Variants in KRT8 observed in about 807,000 individuals in gnomAD.
KRT8 encodes keratin, type II cytoskeletal 8.
KRT8 carries 24 observed loss-of-function variants against 43.0 expected under a neutral mutation model. The ratio of observed to expected loss-of-function variants is 0.56; its 90% CI spans 0.40 to 0.78. The LOEUF (loss-of-function observed/expected upper bound fraction) is 0.78. KRT8 is among the 30% of genes least tolerant of loss of function. KRT8 has a pLI of 0.00. For synonymous variants in KRT8, 214 were observed against 261.2 expected (o/e 0.82, Z 1.74); for missense variants, 492 against 638.4 (o/e 0.77, Z 2.47).
intron 1 of KRT8, among the ~76,000 whole-genome samples, chr12:52,902,737 C>T (rs989589504): frequency 4.6e-5 from 7 of 151,592 alleles, no homozygotes; most frequent in South Asian, 2.1e-4. Context: ...AGAGGCCGGG[C>T]GTGGAGGCTC....
upstream of KRT8, among the ~76,000 whole-genome samples, chr12:52,911,755 G>A (rs565768586): frequency 2.2e-4 from 33 of 152,194 alleles, no homozygotes; most frequent in South Asian, 5.2e-3. Context: ...GGTATGGGCC[G>A]GGCGTGGTGG....
chr12:52,916,465 A>G (rs936089908), intron 2 of KRT8, among the ~76,000 whole-genome samples: 2 of 152,180 alleles, frequency 1.3e-5, no homozygotes, highest in Admixed American at 6.5e-5. Context: ...TGTTCCATGC[A>G]CTTGCCATGA....
chr12:52,899,811 G>T (rs1429853530), exon 5 of KRT8: 1 of 1,612,000 alleles, frequency 6.2e-7, no homozygotes, highest in Admixed American at 1.7e-5. Flanking sequence ...CCTGGAGCCG[G>T]CTGATGTTCC....
intron 2 of KRT8, among the ~76,000 whole-genome samples, chr12:52,944,183 A>C (rs912224631): frequency 6.6e-6 from 1 of 152,182 alleles, no homozygotes; most frequent in African/African-American, 2.4e-5. Flanking sequence ...TTCTCATTCT[A>C]CAGCTGAGGA....
chr12:52,949,346 T>G, intron 2 of KRT8: 1 of 1,594,916 alleles, frequency 6.3e-7, no homozygotes, highest in Non-Finnish European at 8.5e-7. Context: ...AGGGGCGGCA[T>G]GGGGTCCGGG....
At chr12:52,940,394 C>T (rs528513830) in intron 2 of KRT8, among the ~76,000 whole-genome samples, 4 of 143,752 alleles carry the variant, frequency 2.8e-5, no homozygotes, top group African/African-American at 1.0e-4. Context: ...GATCATGCCA[C>T]TGCACTCCAG....
chr12:52,945,701 C>T (rs966411498), intron 2 of KRT8, among the ~76,000 whole-genome samples: 3 of 152,126 alleles, frequency 2.0e-5, no homozygotes, highest in Non-Finnish European at 4.4e-5. Context: ...TTCTGCTGGA[C>T]GCTGGAATGC....
At chr12:52,918,086 G>GAGAAGA (rs1469850504) in intron 2 of KRT8, among the ~76,000 whole-genome samples, 1 of 136,056 alleles carries the variant, frequency 7.3e-6, no homozygotes, top group African/African-American at 2.9e-5. Context: ...GGAGGAGGAG[G>GAGAAGA]AGAAGAAGAA....
At chr12:52,906,803 A>C (rs1448536612), upstream of KRT8, 1 of 455,790 alleles carries the variant, frequency 2.2e-6, no homozygotes, top group East Asian at 7.0e-5. Context: ...GTGACCACCT[A>C]CTGGGAGGAC....
At chr12:52,920,953 G>A (rs976787868) in intron 2 of KRT8, among the ~76,000 whole-genome samples, 2 of 152,190 alleles carry the variant, frequency 1.3e-5, no homozygotes, top group Admixed American at 1.3e-4. Context: ...CTAAAGAAAA[G>A]ACCTGCTACC....
intron 2 of KRT8, among the ~76,000 whole-genome samples, chr12:52,913,476 G>C (rs1367323633): frequency 6.6e-6 from 1 of 152,208 alleles, no homozygotes; most frequent in Non-Finnish European, 1.5e-5. Context: ...ATGATGATAA[G>C]CAGGTGTTTT....
rs779614156 is a variant in KRT8, at chr12:52,897,385, GGCAGC to G, written c.*38_*42del. The stretch of plus-strand genomic sequence containing the variant: ...TAGCGGCCTCCTTCCCAGGCTCTGG[GGCAGC>G]GCAGGAGGGGTAGGCTGGGAGGGGC... On this transcript the variant is annotated 3_prime_UTR_variant, in exon 8 of 8. Transcript: ENST00000692008. The G allele has an allele frequency of 1.2e-5, 18 of 1,545,606 alleles. No individual in the cohort carries two copies. In the African/African-American group the frequency reaches 2.4e-4, roughly 21 times the overall value.
At chr12:52,917,111 C>G (rs544790490) in intron 2 of KRT8, among the ~76,000 whole-genome samples, 3 of 152,148 alleles carry the variant, frequency 2.0e-5, no homozygotes, top group Admixed American at 1.3e-4. Flanking sequence ...AGTCTGCGGC[C>G]GGGCACACTG....
intron 2 of KRT8, among the ~76,000 whole-genome samples, chr12:52,927,291 G>A (rs887704582): frequency 5.3e-5 from 8 of 152,190 alleles, no homozygotes; most frequent in Admixed American, 3.9e-4. Context: ...AAATAGGTGG[G>A]CCCAAGGGAG....
Position 52,897,354 on chromosome 12 carries a change from C to T in KRT8, c.*74G>A, listed in dbSNP as rs747961993. The T allele has an allele frequency of 8.9e-6, 12 of 1,345,234 alleles. No homozygotes were observed. The East Asian group carries it at 2.5e-4, about 28-fold the overall frequency. 83.3% of individuals were successfully genotyped at this position (1,345,234 alleles called of 1,614,324 possible). A position where few individuals can be genotyped will look rare whatever the true frequency, so the allele number is the denominator to read the frequency against. ...GTGGGTCTCCTGTTCCCAGTGCTAC[C>T]CTGCATAGCGGCCTCCTTCCCAGGC... On this transcript the variant is annotated 3_prime_UTR_variant, in exon 8 of 8. Transcript: ENST00000692008.
chr12:52,917,926 GAGA>G (rs1565725178), intron 2 of KRT8, among the ~76,000 whole-genome samples: 1 of 146,522 alleles, frequency 6.8e-6, no homozygotes, highest in Non-Finnish European at 1.5e-5. Flanking sequence ...AAAGAAGAAG[GAGA>G]AGGAGAAGAG....
At chr12:52,925,445 T>A (rs1431911967) in intron 2 of KRT8, among the ~76,000 whole-genome samples, 2 of 151,960 alleles carry the variant, frequency 1.3e-5, no homozygotes, top group Non-Finnish European at 2.9e-5. Context: ...CCATTTAGGG[T>A]CTGAAATGGT....
intron 7 of KRT8, 86 bp from the exon 8 acceptor site, chr12:52,897,704 A>C: frequency 6.4e-7 from 1 of 1,561,960 alleles, no homozygotes; most frequent in Non-Finnish European, 8.7e-7. Context: ...CATTCCCAAC[A>C]TAGCCCCAGG....
At chr12:52,935,400 A>AAAAAAG (rs1565731953) in intron 2 of KRT8, among the ~76,000 whole-genome samples, 10 of 134,566 alleles carry the variant, frequency 7.4e-5, no homozygotes, top group African/African-American at 1.4e-4. Flanking sequence ...AAAAAAAAAA[A>AAAAAAG]AAAAAAAAAA....
Sources: gnomAD v4.1 joint callset for allele counts (sites outside exome capture counted in the v4.1 genomes callset) on GRCh38, gnomAD v4.1.1 for gene constraint, MANE v1.5 for transcripts, NCBI Gene and HGNC (gene_info 2026-07-23, HGNC 2026-07-21) for gene names.